Variants in TENM2 observed in about 807,000 individuals in gnomAD.
The protein encoded by TENM2 is teneurin-2.
TENM2 carries 52 observed loss-of-function variants against 245.2 expected under a neutral mutation model. The ratio of observed to expected loss-of-function variants is 0.21; its 90% CI spans 0.17 to 0.27. TENM2 has a LOEUF of 0.27. Ranked by LOEUF, TENM2 falls within the 10% of genes least tolerant of loss-of-function variation. TENM2 has a pLI of 1.00. For synonymous variants in TENM2, 1,363 were observed against 1,438.9 expected, an observed-to-expected ratio of 0.95 and a Z score of 1.19; for missense variants, 3,046 against 3,666.8, an observed-to-expected ratio of 0.83 and a Z score of 4.37.
chr5:167,705,670 T>G (rs545182505), intron 2 of TENM2, among the ~76,000 whole-genome samples: 1 of 152,194 alleles, frequency 6.6e-6, no homozygotes, highest in African/African-American at 2.4e-5. Flanking sequence ...TGCTCCAAAC[T>G]TAGTGATAAT....
chr5:167,550,665 T>G (rs573161872), intron 2 of TENM2, among the ~76,000 whole-genome samples: 6 of 151,334 alleles, frequency 4.0e-5, no homozygotes, highest in African/African-American at 1.5e-4. Flanking sequence ...GCTAGAGTAC[T>G]TTCTACACAA....
intron 5 of TENM2, among the ~76,000 whole-genome samples, chr5:168,014,457 C>G (rs571364090): frequency 1.2e-4 from 19 of 152,148 alleles, no homozygotes; most frequent in South Asian, 2.1e-4. Context: ...ACTCTCTTAA[C>G]CACAGCTATC....
chr5:167,634,362 A>G (rs1192695853), intron 2 of TENM2, among the ~76,000 whole-genome samples: 1 of 152,152 alleles, frequency 6.6e-6, no homozygotes, highest in African/African-American at 2.4e-5. Flanking sequence ...AAAGTTAGGA[A>G]TTCTCTATTT....
chr5:167,261,124 C>G, the TENM2 span, among the ~76,000 whole-genome samples: 1 of 152,140 alleles, frequency 6.6e-6, no homozygotes, highest in Non-Finnish European at 1.5e-5. Flanking sequence ...CTCCCCATCC[C>G]CAGCTGCTAA....
intron 2 of TENM2, among the ~76,000 whole-genome samples, chr5:167,452,449 G>C (rs1001237148): frequency 6.6e-6 from 1 of 152,116 alleles, no homozygotes; most frequent in Non-Finnish European, 1.5e-5. Flanking sequence ...GAAAGATGTG[G>C]GTTTCCCAGG....
At chr5:167,005,486 A>G in the TENM2 span, among the ~76,000 whole-genome samples, 4 of 152,086 alleles carry the variant, frequency 2.6e-5, no homozygotes, top group African/African-American at 7.2e-5. Context: ...TCAAGGGTGT[A>G]GAAGAGAAGA....
intron 2 of TENM2, among the ~76,000 whole-genome samples, chr5:167,409,014 G>A (rs957071713): frequency 2.0e-5 from 3 of 150,858 alleles, no homozygotes; most frequent in South Asian, 2.1e-4. Context: ...TCATTTTTTA[G>A]GGTATTATCA....
At chr5:167,760,590 GT>G (rs1417457401) in intron 2 of TENM2, among the ~76,000 whole-genome samples, 2 of 152,122 alleles carry the variant, frequency 1.3e-5, no homozygotes, top group Non-Finnish European at 2.9e-5. Flanking sequence ...TTTGATTTAG[GT>G]GGACTTGTAA....
intron 2 of TENM2, among the ~76,000 whole-genome samples, chr5:167,513,219 T>C (rs2127572265): frequency 6.6e-6 from 1 of 152,328 alleles, no homozygotes; most frequent in South Asian, 2.1e-4. Context: ...AACATGTCAC[T>C]TATATGACCC....
In TENM2 at chr5:167,434,741, A is replaced by G. The variant is rs371854083; in HGVS notation, c.502+59268A>G. 1.7e-3 allele frequency among the ~76,000 whole-genome samples: 254 copies of G among 152,274 alleles called. 15 individuals are homozygous for G. In the South Asian group the frequency reaches 0.051, roughly 30 times the overall value. On this transcript the variant is annotated intron_variant, in intron 2 of 28. Transcript: ENST00000518659. Reference sequence around the variant, plus strand: ...GACAGGACATTAAATTCATGACTCCATATTAATAAAGTAGCTAAGGCTTAA... The same window carrying G: ...GACAGGACATTAAATTCATGACTCCGTATTAATAAAGTAGCTAAGGCTTAA...
intron 3 of TENM2, among the ~76,000 whole-genome samples, chr5:167,887,408 G>A (rs1774374249): frequency 6.6e-6 from 1 of 152,212 alleles, no homozygotes; most frequent in Non-Finnish European, 1.5e-5. Flanking sequence ...ACAAAAAGGT[G>A]GCAGCAGCCC....
At chr5:168,014,175 A>G (rs1785481273) in intron 5 of TENM2, among the ~76,000 whole-genome samples, 1 of 152,214 alleles carries the variant, frequency 6.6e-6, no homozygotes, top group Non-Finnish European at 1.5e-5. Context: ...AGATTTTTCT[A>G]AATTCTTCTT....
At chr5:167,363,422 C>A (rs1459298475) in intron 1 of TENM2, among the ~76,000 whole-genome samples, 1 of 152,076 alleles carries the variant, frequency 6.6e-6, no homozygotes, top group African/African-American at 2.4e-5. Flanking sequence ...ACCAACATAT[C>A]TAAAATTAAA....
At chr5:167,445,336 T>TATATATATATAGAGAGAGAGAG (rs368881390) in intron 2 of TENM2, among the ~76,000 whole-genome samples, 2 of 77,306 alleles carry the variant, frequency 2.6e-5, no homozygotes, top group East Asian at 3.6e-4. Context: ...TATATATATA[T>TATATATATATAGAGAGAGAGAG]AGAGAGAGAG....
chr5:167,407,450 T>G (rs1306557441), intron 2 of TENM2, among the ~76,000 whole-genome samples: 8 of 152,132 alleles, frequency 5.3e-5, no homozygotes, highest in Non-Finnish European at 8.8e-5. Context: ...AGTCCAGATA[T>G]CAATATATTT....
intron 2 of TENM2, among the ~76,000 whole-genome samples, chr5:167,403,741 C>A (rs1290511631): frequency 1.3e-5 from 2 of 152,016 alleles, no homozygotes; most frequent in African/African-American, 2.4e-5. Flanking sequence ...TTTTTAAAAT[C>A]TTTACTATGT....
At chr5:167,623,577 A>C (rs1024569464) in intron 2 of TENM2, among the ~76,000 whole-genome samples, 2 of 152,106 alleles carry the variant, frequency 1.3e-5, no homozygotes, top group African/African-American at 4.8e-5. Flanking sequence ...GTTTTAGATG[A>C]GCAAGCTCCC....
At chr5:167,161,147 A>G in the TENM2 span, among the ~76,000 whole-genome samples, 1 of 152,194 alleles carries the variant, frequency 6.6e-6, no homozygotes, top group Non-Finnish European at 1.5e-5. Flanking sequence ...CATCCCAGGG[A>G]CTTTAATATG....
At chr5:167,934,961 AAG>A (rs1038675392) in intron 3 of TENM2, 4 of 966,838 alleles carry the variant, frequency 4.1e-6, no homozygotes, top group Non-Finnish European at 4.9e-6. Context: ...CTGAGACTGG[AAG>A]CAAAGAAAGG....
Sources: allele counts gnomAD v4.1 joint callset (sites outside exome capture counted in the v4.1 genomes callset), GRCh38; gene constraint gnomAD v4.1.1; transcripts MANE v1.5; gene names NCBI Gene and HGNC (gene_info 2026-07-23, HGNC 2026-07-21).